Variants in SLC35F3 observed in about 807,000 individuals in gnomAD.
SLC35F3 encodes the protein solute carrier family 35 member F3.
SLC35F3 carries 25 observed loss-of-function variants against 49.9 expected under a neutral mutation model. The ratio of observed to expected loss-of-function variants is 0.50; its 90% CI spans 0.37 to 0.70. SLC35F3 has a LOEUF of 0.70. Among genes scored for constraint, SLC35F3 ranks in the 30% least tolerant of loss-of-function variants. SLC35F3 has a pLI of 0.00. For missense variants in SLC35F3, 525 were observed against 639.8 expected, an observed-to-expected ratio of 0.82 and a Z score of 1.94; for synonymous variants, 275 against 265.4, an observed-to-expected ratio of 1.04 and a Z score of -0.35.
At chr1:234,281,088 C>CG (rs915898076) in intron 3 of SLC35F3, among the ~76,000 whole-genome samples, 1 of 151,832 alleles carries the variant, frequency 6.6e-6, no homozygotes, top group African/African-American at 2.4e-5. Flanking sequence ...GTGTCCCCCC[C>CG]CCATGCTCAA....
intron 2 of SLC35F3, among the ~76,000 whole-genome samples, chr1:234,146,422 T>C (rs532027191): frequency 6.6e-6 from 1 of 151,844 alleles, no homozygotes; most frequent in South Asian, 2.1e-4. Flanking sequence ...GGATACACTT[T>C]CTTTTCTTTG....
chr1:233,952,464 T>C (rs1662623954), intron 2 of SLC35F3, among the ~76,000 whole-genome samples: 1 of 152,202 alleles, frequency 6.6e-6, no homozygotes, highest in Non-Finnish European at 1.5e-5. Flanking sequence ...ACCTAGATTT[T>C]ATTTCTCCCC....
chr1:233,934,386 C>T (rs535762653), intron 2 of SLC35F3, among the ~76,000 whole-genome samples: 74 of 152,222 alleles, frequency 4.9e-4, no homozygotes, highest in African/African-American at 1.6e-3. Context: ...ATTCCTTATT[C>T]TTAAAATCAA....
intron 2 of SLC35F3, among the ~76,000 whole-genome samples, chr1:233,962,390 A>G (rs1423074017): frequency 6.6e-6 from 1 of 152,234 alleles, no homozygotes; most frequent in Non-Finnish European, 1.5e-5. Context: ...GTTCATCTTC[A>G]TTATAAGTAG....
At chr1:233,914,095 G>C (rs929482475) in intron 2 of SLC35F3, among the ~76,000 whole-genome samples, 1 of 152,058 alleles carries the variant, frequency 6.6e-6, no homozygotes, top group Non-Finnish European at 1.5e-5. Context: ...TACATCCTCC[G>C]TTTGGGCCCT....
intron 3 of SLC35F3, chr1:234,261,582 CG>C (rs770188491): frequency 2.0e-5 from 3 of 152,406 alleles, no homozygotes; most frequent in East Asian, 3.9e-4. Flanking sequence ...GGGTTTTGGC[CG>C]GCTTCTTTAT....
intron 2 of SLC35F3, among the ~76,000 whole-genome samples, chr1:234,048,520 G>A (rs1344769045): frequency 6.6e-6 from 1 of 151,500 alleles, no homozygotes; most frequent in African/African-American, 2.4e-5. Context: ...ACCTGAAGGT[G>A]AGCCAGAGAT....
At chr1:234,309,627 C>T (rs569636627) in intron 4 of SLC35F3, among the ~76,000 whole-genome samples, 17 of 152,264 alleles carry the variant, frequency 1.1e-4, no homozygotes, top group African/African-American at 3.9e-4. Context: ...GTGCTCCGCT[C>T]TCTGCGTGCT....
intron 2 of SLC35F3, among the ~76,000 whole-genome samples, chr1:234,005,413 A>G (rs969577837): frequency 6.6e-6 from 1 of 152,082 alleles, no homozygotes; most frequent in African/African-American, 2.4e-5. Context: ...CCTGATCATC[A>G]TATACTTGGT....
intron 2 of SLC35F3, among the ~76,000 whole-genome samples, chr1:233,947,624 A>C (rs937843441): frequency 2.7e-5 from 4 of 150,662 alleles, no homozygotes; most frequent in South Asian, 4.2e-4. Context: ...TTATCTAAAA[A>C]ACAGGGCTGG....
chr1:234,063,199 A>G (rs1433453387), intron 2 of SLC35F3, among the ~76,000 whole-genome samples: 1 of 152,168 alleles, frequency 6.6e-6, no homozygotes, highest in African/African-American at 2.4e-5. Context: ...GAGGAGTTAC[A>G]GATGAACTGG....
chr1:233,918,783 T>G lies in SLC35F3; in HGVS notation c.283+13025T>G, dbSNP rs942426483. Among the ~76,000 whole-genome samples the G allele has an allele frequency of 1.4e-4, 11 of 78,220 alleles. No homozygotes were observed. The South Asian group carries it at 5.0e-3, about 35-fold the overall frequency. The allele number at this position is 78,220 out of a possible 152,430, so 51.3% of individuals were successfully genotyped here. A position where few individuals can be genotyped will look rare whatever the true frequency, so the allele number is the denominator to read the frequency against. ...CTCCGTCTCTCTCTCTCTCTTTCTCTCTCTCTCTCTCTCTTTCTCTCTCTC... is the reference window on the plus strand; with the variant it reads ...CTCCGTCTCTCTCTCTCTCTTTCTCGCTCTCTCTCTCTCTTTCTCTCTCTC... On this transcript the variant is annotated intron_variant, in intron 2 of 7. Coordinates refer to ENST00000366618, the MANE Select transcript of SLC35F3 (RefSeq NM_173508.4).
At chr1:234,275,503 G>A (rs1021064011) in intron 3 of SLC35F3, among the ~76,000 whole-genome samples, 3 of 152,030 alleles carry the variant, frequency 2.0e-5, no homozygotes, top group Non-Finnish European at 4.4e-5. Flanking sequence ...ATATTGCAGA[G>A]ACAGAGGGAT....
chr1:234,233,463 C>T (rs937243788), intron 3 of SLC35F3, among the ~76,000 whole-genome samples: 1 of 152,178 alleles, frequency 6.6e-6, no homozygotes, highest in Non-Finnish European at 1.5e-5. Context: ...GGCTGTTGTC[C>T]CAAATGTGCT....
chr1:234,050,830 G>T (rs973461111), intron 2 of SLC35F3, among the ~76,000 whole-genome samples: 3 of 152,180 alleles, frequency 2.0e-5, no homozygotes, highest in African/African-American at 4.8e-5. Flanking sequence ...TGTAAGGAAG[G>T]AATCCAGTTT....
chr1:234,082,062 G>C (rs1274679585), intron 2 of SLC35F3, among the ~76,000 whole-genome samples: 1 of 151,482 alleles, frequency 6.6e-6, no homozygotes, highest in East Asian at 1.9e-4. Context: ...GCCCAAATTG[G>C]CATCTTTTCT....
Position 234,116,760 on chromosome 1 carries a change from C to T in SLC35F3, c.284-114657C>T, listed in dbSNP as rs555265026. 9.2e-5 allele frequency among the ~76,000 whole-genome samples: 14 copies of T among 152,292 alleles called. No individual in the cohort carries two copies. In the Middle Eastern group the frequency reaches 0.01, roughly 111 times the overall value. On this transcript the variant is annotated intron_variant, in intron 2 of 7. Transcript: ENST00000366618. The stretch of plus-strand genomic sequence containing the variant: ...AACTCCTGACCTCAAGTGATCCACC[C>T]GCCTTGGCCTCCCAAAGTGCTGGGA...
chr1:233,934,428 A>G (rs1382849987), intron 2 of SLC35F3, among the ~76,000 whole-genome samples: 1 of 152,214 alleles, frequency 6.6e-6, no homozygotes, highest in Non-Finnish European at 1.5e-5. Flanking sequence ...AAAGCAAATA[A>G]TTTCCCTGAT....
intron 2 of SLC35F3, among the ~76,000 whole-genome samples, chr1:234,223,546 C>G (rs566183893): frequency 6.6e-6 from 1 of 152,166 alleles, no homozygotes; most frequent in Admixed American, 6.5e-5. Context: ...AACTTTACAA[C>G]AAAGATTCAA....
Sources: allele counts gnomAD v4.1 joint callset (sites outside exome capture counted in the v4.1 genomes callset), GRCh38; gene constraint gnomAD v4.1.1; transcripts MANE v1.5; gene names NCBI Gene and HGNC (gene_info 2026-07-23, HGNC 2026-07-21).